Variants in ADAMTSL1 observed in about 807,000 individuals in gnomAD.
The protein encoded by ADAMTSL1 is ADAMTS-like protein 1.
Under a neutral mutation model 201.8 loss-of-function variants are expected in ADAMTSL1, and 126 were observed. The ratio of observed to expected loss-of-function variants is 0.62; its 90% CI spans 0.54 to 0.72. The LOEUF is 0.72. Ranked by LOEUF, ADAMTSL1 falls within the 30% of genes least tolerant of loss-of-function variation. The pLI, the probability that ADAMTSL1 is intolerant of heterozygous loss-of-function variation, is 0.00. For synonymous variants in ADAMTSL1, 1,121 were observed against 903.4 expected, an observed-to-expected ratio of 1.24 and a Z score of -4.32; for missense variants, 2,679 against 2,277.8, an observed-to-expected ratio of 1.18 and a Z score of -3.59.
intron 2 of ADAMTSL1, among the ~76,000 whole-genome samples, chr9:18,454,594 G>T (rs1242244020): frequency 6.6e-6 from 1 of 152,136 alleles, no homozygotes; most frequent in Non-Finnish European, 1.5e-5. Flanking sequence ...CTCAGTTATT[G>T]TTATGGCAAT....
intron 1 of ADAMTSL1, among the ~76,000 whole-genome samples, chr9:17,949,131 T>A (rs1554668968): frequency 2.0e-5 from 3 of 152,234 alleles, no homozygotes; most frequent in Non-Finnish European, 4.4e-5. Flanking sequence ...GCTGATATTT[T>A]AAAAAACACT....
intron 1 of ADAMTSL1, among the ~76,000 whole-genome samples, chr9:17,945,481 A>G (rs1227562403): frequency 6.6e-6 from 1 of 150,596 alleles, no homozygotes; most frequent in Non-Finnish European, 1.5e-5. Flanking sequence ...TACCCAAAGG[A>G]TTATAAATCA....
chr9:18,906,589 G>C, intron 27 of ADAMTSL1, 103 bp from the exon 28 acceptor site: 2 of 966,382 alleles, frequency 2.1e-6, no homozygotes, highest in Non-Finnish European at 3.0e-6. Context: ...GAAAGTTCTT[G>C]AGGAACCACC....
At chr9:18,833,514 C>T (rs73421193) in intron 23 of ADAMTSL1, among the ~76,000 whole-genome samples, 11,014 of 152,108 alleles carry the variant, frequency 0.072, 500 homozygotes, top group African/African-American at 0.13. Context: ...TTTTGAAAAG[C>T]GTATGTTCAC....
Position 18,777,402 on chromosome 9 carries a change from CG to C in ADAMTSL1, c.3176del (p.Gly1059ValfsTer14), listed in dbSNP as rs1263770201. 1 of 1,602,492 alleles carries C rather than the reference CG, an allele frequency of 6.2e-7. No individual in the cohort carries two copies. The highest frequency in any genetic ancestry group is 8.5e-7 in the Non-Finnish European group (1 of 1,175,152). ...AERNTTSEED[P>X]GAEQVLLHLP... ...AGGAACACGACCTCGGAGGAGGACC[CG>C]GGTGCAGAGCAAGTGCTCCTGCACC... On this transcript the variant is annotated frameshift_variant, in exon 19 of 29. Coordinates refer to ENST00000380548, the MANE Select transcript of ADAMTSL1 (RefSeq NM_001040272.6). LOFTEE classifies it high-confidence loss of function.
At chr9:18,645,231 G>C (rs1376765817) in intron 7 of ADAMTSL1, among the ~76,000 whole-genome samples, 2 of 152,064 alleles carry the variant, frequency 1.3e-5, no homozygotes, top group African/African-American at 4.8e-5. Context: ...TTTTTGATGG[G>C]GTTGTTTGTT....
chr9:18,135,048 T>C (rs1826102991), intron 1 of ADAMTSL1, among the ~76,000 whole-genome samples: 1 of 152,204 alleles, frequency 6.6e-6, no homozygotes, highest in Admixed American at 6.5e-5. Flanking sequence ...TTTTCTTTTC[T>C]CATTGTTGAT....
chr9:18,768,977 A>G (rs990566446), intron 16 of ADAMTSL1, among the ~76,000 whole-genome samples: 5 of 152,224 alleles, frequency 3.3e-5, no homozygotes, highest in Non-Finnish European at 7.3e-5. Context: ...TCTTAAAAAC[A>G]AAACAAAAAC....
intron 13 of ADAMTSL1, among the ~76,000 whole-genome samples, chr9:18,691,319 G>A (rs944190576): frequency 6.6e-6 from 1 of 152,166 alleles, no homozygotes; most frequent in Admixed American, 6.5e-5. Flanking sequence ...CATTGAAAGG[G>A]TTTGAGGGGA....
At chr9:18,750,485 G>C (rs1053413293) in intron 15 of ADAMTSL1, among the ~76,000 whole-genome samples, 4 of 152,130 alleles carry the variant, frequency 2.6e-5, no homozygotes, top group Non-Finnish European at 4.4e-5. Flanking sequence ...ATATAATCTT[G>C]TGTGAATATA....
intron 1 of ADAMTSL1, among the ~76,000 whole-genome samples, chr9:17,932,595 A>C (rs776019368): frequency 1.3e-5 from 2 of 152,146 alleles, no homozygotes; most frequent in Non-Finnish European, 2.9e-5. Context: ...GTGATTTCTG[A>C]AGCTGAGACT....
At chr9:18,594,571 T>G (rs1233061787) in intron 4 of ADAMTSL1, among the ~76,000 whole-genome samples, 3 of 152,214 alleles carry the variant, frequency 2.0e-5, no homozygotes, top group Admixed American at 2.0e-4. Flanking sequence ...GCACTGATTG[T>G]TTCTTCTGTT....
intron 2 of ADAMTSL1, among the ~76,000 whole-genome samples, chr9:18,196,160 G>A (rs911731105): frequency 1.3e-5 from 2 of 152,054 alleles, no homozygotes; most frequent in African/African-American, 4.8e-5. Context: ...TATGAAGTTA[G>A]AGAGGTCTCC....
intron 2 of ADAMTSL1, among the ~76,000 whole-genome samples, chr9:18,228,166 A>G (rs1830499660): frequency 6.6e-6 from 1 of 152,172 alleles, no homozygotes; most frequent in Non-Finnish European, 1.5e-5. Context: ...CCATAGAGAG[A>G]GGATGTTGGC....
At chr9:18,343,594 C>G (rs187182029) in intron 2 of ADAMTSL1, among the ~76,000 whole-genome samples, 1 of 152,000 alleles carries the variant, frequency 6.6e-6, no homozygotes, top group Non-Finnish European at 1.5e-5. Flanking sequence ...AATTCTAAAC[C>G]CTCTTTTAGA....
intron 2 of ADAMTSL1, among the ~76,000 whole-genome samples, chr9:18,530,945 G>A (rs1819408212): frequency 1.3e-5 from 2 of 152,116 alleles, no homozygotes; most frequent in Admixed American, 1.3e-4. Context: ...GCAAACACCA[G>A]TGTCTAGATG....
chr9:18,885,100 G>A (rs531568018), intron 23 of ADAMTSL1, among the ~76,000 whole-genome samples: 2 of 152,038 alleles, frequency 1.3e-5, no homozygotes, highest in South Asian at 4.2e-4. Flanking sequence ...CAAGATTTTT[G>A]TCTCTCAGTC....
At chr9:18,441,889 A>G (rs1820008352) in intron 2 of ADAMTSL1, among the ~76,000 whole-genome samples, 1 of 152,202 alleles carries the variant, frequency 6.6e-6, no homozygotes. Context: ...TTGGTGCTGC[A>G]CAAGTGTGCA....
At chr9:18,524,616 T>C (rs1406124522) in intron 2 of ADAMTSL1, among the ~76,000 whole-genome samples, 1 of 152,214 alleles carries the variant, frequency 6.6e-6, no homozygotes, top group Non-Finnish European at 1.5e-5. Flanking sequence ...ATATGTTCCA[T>C]TGATACCTAG....
Sources: allele counts gnomAD v4.1 joint callset (sites outside exome capture counted in the v4.1 genomes callset), GRCh38; gene constraint gnomAD v4.1.1; transcripts MANE v1.5; gene names NCBI Gene and HGNC (gene_info 2026-07-23, HGNC 2026-07-21).